The following DPP10 variants were observed in gnomAD, a reference collection of about 807,000 sequenced individuals.
DPP10 encodes the protein dipeptidyl peptidase like 10, also known as inactive dipeptidyl peptidase 10.
DPP10 carries 33 observed loss-of-function variants against 120.9 expected under a neutral mutation model. The ratio of observed to expected loss-of-function variants is 0.27; its 90% CI spans 0.21 to 0.37. DPP10 has a LOEUF of 0.37. Among genes scored for constraint, DPP10 ranks in the 10% least tolerant of loss-of-function variants. The pLI is 1.00. For missense variants in DPP10, 816 were observed against 942.8 expected (o/e 0.87, Z 1.76); for synonymous variants, 337 against 326.1 (o/e 1.03, Z -0.36).
intron 1 of DPP10, among the ~76,000 whole-genome samples, chr2:115,018,670 A>G (rs1383913639): frequency 1.3e-5 from 2 of 152,036 alleles, no homozygotes; most frequent in African/African-American, 4.8e-5. Flanking sequence ...ACAAGAACAC[A>G]CGGACACAGG....
Position 114,802,310 on chromosome 2 carries a change from A to G in DPP10, c.60+359472A>G, listed in dbSNP as rs191351335. Among the ~76,000 whole-genome samples the G allele has an allele frequency of 4.5e-4, 68 of 152,330 alleles. No individual in the cohort carries two copies. The East Asian group carries it at 0.013, about 29-fold the overall frequency. ...ATGAAGGTATTTATACTTTTAAAAT[A>G]TTTAAATGTAGTTTGATTACATCCC... On this transcript the variant is annotated intron_variant, in intron 1 of 25. Transcript: ENST00000410059.
chr2:114,664,294 C>T (rs1697723207), intron 1 of DPP10, among the ~76,000 whole-genome samples: 1 of 151,582 alleles, frequency 6.6e-6, no homozygotes, highest in South Asian at 2.1e-4. Context: ...GCAGAAGAGT[C>T]ATAACCCTTG....
chr2:114,643,214 T>A (rs1695846127), intron 1 of DPP10, among the ~76,000 whole-genome samples: 1 of 151,936 alleles, frequency 6.6e-6, no homozygotes, highest in African/African-American at 2.4e-5. Context: ...AGATCTTTAA[T>A]CCTCACTTCC....
chr2:115,548,127 G>C (rs1336853561), intron 5 of DPP10, among the ~76,000 whole-genome samples: 1 of 152,174 alleles, frequency 6.6e-6, no homozygotes, highest in East Asian at 1.9e-4. Context: ...TATAGAAAAT[G>C]TGGAAGAAAT....
At chr2:115,560,804 A>G (rs985809279) in intron 5 of DPP10, among the ~76,000 whole-genome samples, 1 of 152,050 alleles carries the variant, frequency 6.6e-6, no homozygotes, top group Non-Finnish European at 1.5e-5. Flanking sequence ...TGTGGTCATT[A>G]TGACCATTAA....
At chr2:115,428,522 A>G (rs904213866) in intron 3 of DPP10, among the ~76,000 whole-genome samples, 2 of 152,076 alleles carry the variant, frequency 1.3e-5, no homozygotes, top group Non-Finnish European at 2.9e-5. Context: ...GCTTGCACAC[A>G]CATGGTGAGA....
chr2:114,443,158 G>A (rs1677753063), intron 1 of DPP10, among the ~76,000 whole-genome samples: 1 of 152,032 alleles, frequency 6.6e-6, no homozygotes, highest in South Asian at 2.1e-4. Flanking sequence ...TAGAACTGGG[G>A]AAGAATTTGC....
At chr2:115,622,751 C>T (rs192421732) in intron 5 of DPP10, among the ~76,000 whole-genome samples, 1 of 151,664 alleles carries the variant, frequency 6.6e-6, no homozygotes, top group Non-Finnish European at 1.5e-5. Context: ...TTCAGTGGAT[C>T]CCTAATGATA....
intron 1 of DPP10, among the ~76,000 whole-genome samples, chr2:114,556,234 C>CATATATATATATATATATATATAT (rs56772742): frequency 1.2e-5 from 1 of 86,956 alleles, no homozygotes; most frequent in Non-Finnish European, 2.1e-5. Context: ...ATAGATGATA[C>CATATATATATATATATATATATAT]ATATATATAT....
intron 1 of DPP10, among the ~76,000 whole-genome samples, chr2:115,302,977 A>G (rs2061207878): frequency 6.6e-6 from 1 of 152,018 alleles, no homozygotes. Flanking sequence ...AATCTCTATG[A>G]TTATATTTTC....
intron 1 of DPP10, among the ~76,000 whole-genome samples, chr2:115,271,152 G>A (rs1262809868): frequency 6.6e-6 from 1 of 152,142 alleles, no homozygotes; most frequent in Non-Finnish European, 1.5e-5. Context: ...GGTGCTACAG[G>A]CACATTCAAT....
intron 1 of DPP10, among the ~76,000 whole-genome samples, chr2:114,942,398 C>T (rs1267988580): frequency 3.0e-5 from 3 of 100,502 alleles, no homozygotes; most frequent in East Asian, 2.6e-4. Context: ...TATACACACA[C>T]ACACATATAT....
At chr2:115,834,863 G>A (rs1172920283) in intron 21 of DPP10, among the ~76,000 whole-genome samples, 1 of 152,096 alleles carries the variant, frequency 6.6e-6, no homozygotes, top group African/African-American at 2.4e-5. Flanking sequence ...GAGGCGGGTA[G>A]ATCACGAGGT....
At chr2:115,339,165 A>G (rs1376883899) in intron 2 of DPP10, among the ~76,000 whole-genome samples, 1 of 152,194 alleles carries the variant, frequency 6.6e-6, no homozygotes, top group Non-Finnish European at 1.5e-5. Context: ...ATGAACAGAT[A>G]TTTCACTGAA....
rs1367670142 is a variant in DPP10 at position 115,689,929 on chromosome 2, C to T, written c.576+8C>T. 1.2e-6 allele frequency: 2 copies of T among 1,613,652 alleles called. No individual in the cohort carries two copies. The highest frequency in any genetic ancestry group is 2.2e-5 in the South Asian group (2 of 91,070). ...GTCCAAGGGCAGCAGCTGGTAAGCG[C>T]AGGCATTGGTATGCACTGAACACTG... is the stretch of plus-strand genomic sequence containing the variant. On this transcript the variant is annotated splice_region_variant and intron_variant, in intron 7 of 25. Transcript: ENST00000410059.
intron 4 of DPP10, among the ~76,000 whole-genome samples, chr2:115,510,433 T>G (rs1244377331): frequency 1.3e-5 from 2 of 152,172 alleles, no homozygotes; most frequent in African/African-American, 4.8e-5. Context: ...TTGAATAATT[T>G]TGGCACCCTT....
rs1165976567 is a variant in DPP10 at position 114,971,065 on chromosome 2, T to C, written c.61-338174T>C. ...TATAAACATAACTCAGCTCAATACATACCCGATTGAAATAAAAGAGTAAAA... is the reference window on the plus strand; with the variant it reads ...TATAAACATAACTCAGCTCAATACACACCCGATTGAAATAAAAGAGTAAAA... On this transcript the variant is annotated intron_variant, in intron 1 of 25. Coordinates refer to ENST00000410059, the MANE Select transcript of DPP10 (RefSeq NM_020868.6). Among the ~76,000 whole-genome samples, 4 of 152,338 alleles carry C rather than the reference T, an allele frequency of 2.6e-5. No homozygotes were observed. The East Asian group carries it at 5.8e-4, about 22-fold the overall frequency.
intron 1 of DPP10, among the ~76,000 whole-genome samples, chr2:115,011,436 C>T (rs768598888): frequency 2.0e-5 from 3 of 152,066 alleles, no homozygotes; most frequent in Non-Finnish European, 2.9e-5. Context: ...ATTTTTGACC[C>T]ATGTATTTTT....
chr2:114,750,534 C>T (rs148181143), intron 1 of DPP10, among the ~76,000 whole-genome samples: 1,612 of 152,210 alleles, frequency 0.011, 29 homozygotes, highest in African/African-American at 0.037. Context: ...GGGGTTTCAC[C>T]GTGTTAGCCA....
Sources: gnomAD v4.1 joint callset for allele counts (sites outside exome capture counted in the v4.1 genomes callset) on GRCh38, gnomAD v4.1.1 for gene constraint, MANE v1.5 for transcripts, NCBI Gene and HGNC (gene_info 2026-07-23, HGNC 2026-07-21) for gene names.